The following CSMD2 variants were observed in gnomAD, a reference collection of about 807,000 sequenced individuals.
CSMD2 encodes CUB and sushi domain-containing protein 2.
In CSMD2, 130 loss-of-function variants were observed where a neutral mutation model predicts 398.5. That is an observed-to-expected ratio of 0.33 (90% CI 0.28 to 0.38). CSMD2 has a LOEUF of 0.38. Among genes scored for constraint, CSMD2 ranks in the 10% least tolerant of loss-of-function variants. The pLI, the probability that CSMD2 is intolerant of heterozygous loss-of-function variation, is 1.00. For missense variants in CSMD2, 3,829 were observed against 4,764.9 expected, an observed-to-expected ratio of 0.80 and a Z score of 5.78; for synonymous variants, 1,828 against 1,908.5, an observed-to-expected ratio of 0.96 and a Z score of 1.10.
intron 25 of CSMD2, among the ~76,000 whole-genome samples, chr1:33,669,368 A>C (rs754770273): frequency 6.6e-6 from 1 of 152,212 alleles, no homozygotes; most frequent in Non-Finnish European, 1.5e-5. Flanking sequence ...TCCTGGATCC[A>C]GTTCCCCTCC....
intron 3 of CSMD2, among the ~76,000 whole-genome samples, chr1:33,957,629 G>A (rs1242425280): frequency 6.6e-6 from 1 of 152,116 alleles, no homozygotes; most frequent in Admixed American, 6.5e-5. Flanking sequence ...CTCCCAGGTT[G>A]GCCAAAGACA....
chr1:33,585,763 T>C (rs1639042052), intron 46 of CSMD2, among the ~76,000 whole-genome samples: 1 of 152,210 alleles, frequency 6.6e-6, no homozygotes, highest in Non-Finnish European at 1.5e-5. Flanking sequence ...TGTTTCCCCA[T>C]AGGCTACTGA....
intron 25 of CSMD2, among the ~76,000 whole-genome samples, chr1:33,691,268 G>A (rs554804502): frequency 5.3e-5 from 8 of 152,184 alleles, no homozygotes; most frequent in Non-Finnish European, 8.8e-5. Flanking sequence ...TTTATTCTGT[G>A]AGCGTGGGGT....
Position 33,805,928 on chromosome 1 carries a change from A to G in CSMD2, c.1446+4815T>C, listed in dbSNP as rs867146751. On this transcript the variant is annotated intron_variant, in intron 10 of 70. Coordinates refer to ENST00000373381, the MANE Select transcript of CSMD2 (RefSeq NM_001281956.2). The stretch of plus-strand genomic sequence containing the variant: ...TGTTACAGTAGCCTGAGTAGACTAC[A>G]TTAGTGTAATAAGGAATACTCAACA... Among the ~76,000 whole-genome samples, 36 of 152,058 alleles carry G rather than the reference A, an allele frequency of 2.4e-4. 1 individual carries two copies. Among genetic ancestry groups the G allele is most frequent in the African/African-American group, 8.7e-4 (36 of 41,394 alleles).
At chr1:33,866,532 C>A (rs1448417012) in intron 5 of CSMD2, among the ~76,000 whole-genome samples, 2 of 152,246 alleles carry the variant, frequency 1.3e-5, no homozygotes, top group Non-Finnish European at 2.9e-5. Context: ...CTCTGCTTCT[C>A]TTCCCTCTCA....
chr1:34,031,566 G>C (rs1425779741), intron 3 of CSMD2, among the ~76,000 whole-genome samples: 2 of 152,034 alleles, frequency 1.3e-5, no homozygotes, highest in South Asian at 2.1e-4. Context: ...GGAGCCCCCA[G>C]TTGCTCAGGT....
At chr1:33,625,283 G>C (rs1642043914) in intron 33 of CSMD2, 29 bp from the exon 34 acceptor site, 8 of 1,587,050 alleles carry the variant, frequency 5.0e-6, no homozygotes, top group African/African-American at 1.3e-5. Flanking sequence ...CTGAGGGGAG[G>C]CCTCACCCCT....
intron 1 of CSMD2, among the ~76,000 whole-genome samples, chr1:34,115,474 C>G (rs1288328796): frequency 3.3e-5 from 5 of 152,016 alleles, no homozygotes; most frequent in African/African-American, 9.7e-5. Flanking sequence ...AGAAACCATG[C>G]CAACCAAGAA....
intron 2 of CSMD2, among the ~76,000 whole-genome samples, chr1:34,071,404 G>C (rs916842033): frequency 5.3e-5 from 8 of 152,208 alleles, no homozygotes; most frequent in African/African-American, 1.7e-4. Context: ...TGAGGTCTAA[G>C]TTTACATAAA....
intron 20 of CSMD2, among the ~76,000 whole-genome samples, chr1:33,715,907 CT>C (rs11287371): frequency 0.77 from 115,188 of 148,892 alleles, 45,594 homozygotes; most frequent in Admixed American, 0.85. Flanking sequence ...AATTTCAAAC[CT>C]TTTTTTTTTT....
At chr1:33,864,983 TGGAGGGGAGGGAAAG>T (rs1639907916) in intron 5 of CSMD2, among the ~76,000 whole-genome samples, 1 of 43,470 alleles carries the variant, frequency 2.3e-5, no homozygotes, top group African/African-American at 9.4e-5. Context: ...AGGAGGGGAA[TGGAGGGGAGGGAAAG>T]GGAGGGAAGG....
chr1:33,526,383 C>T (rs1027612694), intron 65 of CSMD2, among the ~76,000 whole-genome samples: 2 of 152,180 alleles, frequency 1.3e-5, no homozygotes, highest in Non-Finnish European at 2.9e-5. Context: ...GACTTTCTCC[C>T]TGTATAGGCT....
At chr1:34,093,726 T>C (rs987897003) in intron 1 of CSMD2, among the ~76,000 whole-genome samples, 3 of 151,580 alleles carry the variant, frequency 2.0e-5, no homozygotes, top group Non-Finnish European at 4.4e-5. Context: ...TAAAAAGAAA[T>C]GAGCAAAGCC....
At chr1:34,102,321 C>CGTCCG (rs1290688968) in intron 1 of CSMD2, among the ~76,000 whole-genome samples, 1 of 152,174 alleles carries the variant, frequency 6.6e-6, no homozygotes, top group Admixed American at 6.5e-5. Flanking sequence ...TGAGCCACCG[C>CGTCCG]ACCTGGCCAA....
At chr1:33,527,407 C>G in intron 64 of CSMD2, 149 bp from the exon 65 acceptor site, 1 of 606,104 alleles carries the variant, frequency 1.6e-6, no homozygotes, top group East Asian at 2.9e-5. Flanking sequence ...AGGTAGACTG[C>G]TTTGATGCTC....
chr1:33,658,151 A>G lies in CSMD2; in HGVS notation c.4256-14T>C. ...TTGCTGTGGACACTGGGGCAAGGAA[A>G]TAGAAGAGAGGGTAAGGTCGCCTGG... On this transcript the variant is annotated splice_polypyrimidine_tract_variant and intron_variant, in intron 26 of 70. Coordinates refer to ENST00000373381, the MANE Select transcript of CSMD2 (RefSeq NM_001281956.2). 1 of 1,608,212 alleles carries G rather than the reference A, an allele frequency of 6.2e-7. No homozygotes were observed. The highest frequency in any genetic ancestry group is 8.5e-7 in the Non-Finnish European group (1 of 1,175,218).
intron 2 of CSMD2, among the ~76,000 whole-genome samples, chr1:34,085,770 C>T (rs759230737): frequency 2.6e-5 from 4 of 152,104 alleles, no homozygotes; most frequent in Non-Finnish European, 5.9e-5. Context: ...TATAAACAGA[C>T]TTGTAAACAA....
chr1:33,551,172 A>T (rs1359288925), intron 55 of CSMD2, among the ~76,000 whole-genome samples: 2 of 152,172 alleles, frequency 1.3e-5, no homozygotes, highest in Non-Finnish European at 2.9e-5. Flanking sequence ...CAGAGGCCAG[A>T]GTGAGTTTGC....
intron 3 of CSMD2, among the ~76,000 whole-genome samples, chr1:34,025,748 T>C (rs1649565339): frequency 6.6e-6 from 1 of 152,102 alleles, no homozygotes; most frequent in Admixed American, 6.5e-5. Flanking sequence ...TTAGCTCCCA[T>C]CCACCAAGTG....
Sources: allele counts gnomAD v4.1 joint callset (sites outside exome capture counted in the v4.1 genomes callset), GRCh38; gene constraint gnomAD v4.1.1; transcripts MANE v1.5; gene names NCBI Gene and HGNC (gene_info 2026-07-23, HGNC 2026-07-21).